The following NUP205 variants were observed in gnomAD, a reference collection of about 807,000 sequenced individuals.
The protein encoded by NUP205 is nuclear pore complex protein Nup205.
Under a neutral mutation model 253.8 loss-of-function variants are expected in NUP205, and 76 were observed. That is an observed-to-expected ratio of 0.30 (90% CI 0.25 to 0.36). NUP205 has a LOEUF of 0.36. NUP205 is among the 10% of genes least tolerant of loss of function. NUP205 has a pLI of 1.00. For missense variants in NUP205, 2,162 were observed against 2,425.5 expected (o/e 0.89, Z 2.28); for synonymous variants, 832 against 850.1 (o/e 0.98, Z 0.37).
intron 7 of NUP205, 129 bp downstream of exon 7, chr7:135,579,044 G>A (rs1806230897): frequency 1.6e-6 from 1 of 623,328 alleles, no homozygotes; most frequent in South Asian, 3.3e-5. Context: ...TGTATTAAAT[G>A]AAACCTTTAG....
chr7:135,573,507 A>G (rs925947915), intron 2 of NUP205, 147 bp from the exon 3 acceptor site: 11 of 518,930 alleles, frequency 2.1e-5, no homozygotes, highest in African/African-American at 2.0e-4. Flanking sequence ...TACTTCATAA[A>G]AGTCTGTTCT....
intron 34 of NUP205, among the ~76,000 whole-genome samples, chr7:135,629,039 A>G (rs889702293): frequency 6.6e-6 from 1 of 152,200 alleles, no homozygotes; most frequent in Admixed American, 6.5e-5. Flanking sequence ...CCAATCTTGT[A>G]TTGACTGAAG....
At chr7:135,607,482 T>C in intron 22 of NUP205, 111 bp downstream of exon 22, 2 of 1,186,442 alleles carry the variant, frequency 1.7e-6, no homozygotes, top group Non-Finnish European at 2.3e-6. Flanking sequence ...AATGAGTTCA[T>C]TTAGCAATTT....
intron 18 of NUP205, among the ~76,000 whole-genome samples, chr7:135,603,274 C>T (rs894992442): frequency 1.1e-4 from 17 of 152,026 alleles, no homozygotes; most frequent in African/African-American, 3.9e-4. Context: ...TGCCACCATG[C>T]TCAGCTATTT....
chr7:135,648,753 A>G lies in NUP205; in HGVS notation c.*197A>G. 1 of 373,222 alleles carries G rather than the reference A, an allele frequency of 2.7e-6. No homozygotes were observed. The highest frequency in any genetic ancestry group is 4.7e-6 in the Non-Finnish European group (1 of 212,078). 23.1% of individuals were successfully genotyped at this position (373,222 alleles called of 1,614,324 possible). A position where few individuals can be genotyped will look rare whatever the true frequency, so the allele number is the denominator to read the frequency against. ...AATAAATACTTTTTAAAAAAACAAA[A>G]CAAATGTATGGTTAATCTTTTGATC... On this transcript the variant is annotated 3_prime_UTR_variant, in exon 43 of 43. Coordinates refer to ENST00000285968, the MANE Select transcript of NUP205 (RefSeq NM_015135.3).
intron 3 of NUP205, 123 bp downstream of exon 3, chr7:135,573,948 A>G (rs1806076334): frequency 1.4e-6 from 1 of 738,200 alleles, no homozygotes; most frequent in South Asian, 2.1e-5. Context: ...TGGTAAAACC[A>G]TATTCAAAAT....
intron 22 of NUP205, among the ~76,000 whole-genome samples, chr7:135,609,196 G>T (rs958260447): frequency 3.3e-5 from 5 of 150,732 alleles, no homozygotes; most frequent in Admixed American, 2.6e-4. Context: ...TTTAGGATAA[G>T]AAATGGTGGG....
In NUP205 at chr7:135,591,339, G is replaced by A. The variant is rs932763200; in HGVS notation, c.1474-111G>A. 3 of 851,694 alleles carry A rather than the reference G, an allele frequency of 3.5e-6. No homozygotes were observed. In the African/African-American group the frequency reaches 5.2e-5, roughly 15 times the overall value. The allele number at this position is 851,694 out of a possible 1,614,324, so 52.8% of individuals were successfully genotyped here. On this transcript the variant is annotated intron_variant, in intron 10 of 42. Transcript: ENST00000285968. ...ATCAGTTAAATTTGTCTGTTGCGAG[G>A]GTTAAGTCAGAGCACTACTTTTAGT... is the stretch of plus-strand genomic sequence containing the variant.
rs140045221 is a variant in NUP205, at chr7:135,643,222, G to A, written c.5423G>A (p.Arg1808His). 6.2e-6 allele frequency: 10 copies of A among 1,613,866 alleles called. No homozygotes were observed. The highest frequency in any genetic ancestry group is 2.2e-5 in the South Asian group (2 of 91,072). ...CAAGCTCCAGTGGTTCCATACTGGCGCCTGCCTGGTTTAGGCATTATCATC... is the reference window on the plus strand; with the variant it reads ...CAAGCTCCAGTGGTTCCATACTGGCACCTGCCTGGTTTAGGCATTATCATC... ...DTQAPVVPYW[R>H]LPGLGIIIYL... is the part of the protein sequence containing the mutation. Residue 1808 changes from arginine to histidine, a missense_variant, in exon 39 of 43, where the codon CGC (arginine) becomes CAC (histidine). Physicochemically the swap from Arg to His is conservative, Grantham distance 29 (BLOSUM62 0). Transcript: ENST00000285968.
Position 135,591,589 on chromosome 7 carries a change from G to GT in NUP205, c.1614dup (p.Ser539Ter). On this transcript the variant is annotated frameshift_variant, in exon 11 of 43. Transcript: ENST00000285968. LOFTEE classifies it high-confidence loss of function. ...TGTTTCAGCCTGCTCAAAGTCAATG[G>GT]TAGTAGTCATGGTAAGGAATATGTG... The GT allele has an allele frequency of 6.2e-7, 1 of 1,611,648 alleles. No individual in the cohort carries two copies. Among genetic ancestry groups the GT allele is most frequent in the Non-Finnish European group, 8.5e-7 (1 of 1,179,534 alleles).
At chr7:135,595,930 CA>C (rs869074231) in intron 13 of NUP205, among the ~76,000 whole-genome samples, 2 of 150,436 alleles carry the variant, frequency 1.3e-5, no homozygotes, top group African/African-American at 5.0e-5. Flanking sequence ...TTCATAGAAG[CA>C]AAAAAAATTT....
In NUP205 at chr7:135,602,845, A is replaced by G. The variant is rs1243438231; in HGVS notation, c.2553A>G (p.Ala851=). 8 of 1,613,952 alleles carry G rather than the reference A, an allele frequency of 5.0e-6. No individual in the cohort carries two copies. Among genetic ancestry groups the G allele is most frequent in the Non-Finnish European group, 6.8e-6 (8 of 1,179,982 alleles). The part of the protein sequence containing the change: ...HLEKAVQHCL[A]LLNLTLQKEN... Reference sequence around the variant, plus strand: ...AGAAAGCAGTACAGCATTGCCTTGCACTTCTCAATCTTACTCTGCAAAAGG... The same window carrying G: ...AGAAAGCAGTACAGCATTGCCTTGCGCTTCTCAATCTTACTCTGCAAAAGG... Residue 851 remains alanine, a synonymous_variant, in exon 18 of 43, where the codon GCA becomes GCG. Coordinates refer to ENST00000285968, the MANE Select transcript of NUP205 (RefSeq NM_015135.3).
intron 34 of NUP205, among the ~76,000 whole-genome samples, chr7:135,629,487 CTCTCTCTCTCTCTCTCTCTCTCTG>C (rs1794661242): frequency 1.4e-5 from 2 of 143,058 alleles, no homozygotes; most frequent in African/African-American, 5.2e-5. Context: ...CTCTCTCTCT[CTCTCTCTCTCTCTCTCTCTCTCTG>C]TCTCTCTCTC....
chr7:135,607,419 C>T (rs200968290), intron 22 of NUP205, 48 bp downstream of exon 22: 1 of 1,597,328 alleles, frequency 6.3e-7, no homozygotes, highest in Admixed American at 1.7e-5. Flanking sequence ...GAAACTTGAC[C>T]AGGTGCATGA....
rs751041054 is a variant in NUP205, at chr7:135,591,489, T to C, written c.1513T>C (p.Leu505=). Residue 505 remains leucine, a synonymous_variant, in exon 11 of 43, where the codon TTG becomes CTG. Coordinates refer to ENST00000285968, the MANE Select transcript of NUP205 (RefSeq NM_015135.3). ...GTTTGTTAGGCAAATGGGTGACCTG[T>C]TGCCTCCAACTATTTATATTCCTTA... ...SKFVRQMGDL[L]PPTIYIPYLK... 1.2e-6 allele frequency: 2 copies of C among 1,614,046 alleles called. No individual in the cohort carries two copies. The highest frequency in any genetic ancestry group is 8.5e-7 in the Non-Finnish European group (1 of 1,179,912).
chr7:135,586,756 T>G (rs951255772), intron 8 of NUP205, among the ~76,000 whole-genome samples: 10 of 152,246 alleles, frequency 6.6e-5, no homozygotes, highest in Admixed American at 5.9e-4. Context: ...GTTTCTAGTT[T>G]AATTCCGTTG....
chr7:135,638,425 A>C lies in NUP205; in HGVS notation c.5266-132A>C, dbSNP rs575924055. The C allele has an allele frequency of 4.1e-5, 35 of 850,348 alleles. 1 individual carries two copies. The Middle Eastern group carries it at 1.0e-3, about 25-fold the overall frequency. 52.7% of individuals were successfully genotyped at this position (850,348 alleles called of 1,614,324 possible). ...GGGAGACTCCATCTGAAAAAAAAAA[A>C]AAAAAAAGAATACACAGATGTGAGT... is the stretch of plus-strand genomic sequence containing the variant. On this transcript the variant is annotated intron_variant, in intron 37 of 42. Transcript: ENST00000285968.
chr7:135,589,779 A>G (rs1200177908), intron 10 of NUP205, among the ~76,000 whole-genome samples: 1 of 151,128 alleles, frequency 6.6e-6, no homozygotes, highest in Non-Finnish European at 1.5e-5. Context: ...AAAATATTTT[A>G]AAAATTAGCC....
At position 135,648,627 on chromosome 7, in the gene NUP205, T is replaced by G. The variant is rs1795061404; in HGVS notation, c.*71T>G. 2 of 1,232,880 alleles carry G rather than the reference T, an allele frequency of 1.6e-6. No individual in the cohort carries two copies. Among genetic ancestry groups the G allele is most frequent in the Non-Finnish European group, 2.1e-6 (2 of 940,356 alleles). 76.4% of individuals were successfully genotyped at this position (1,232,880 alleles called of 1,614,324 possible). A position where few individuals can be genotyped will look rare whatever the true frequency, so the allele number is the denominator to read the frequency against. Reference sequence around the variant, plus strand: ...ATTGTCTCCATTTTATAGATTAGTTTCTTTCTAAATTATGACCAAAAATAT... The same window carrying G: ...ATTGTCTCCATTTTATAGATTAGTTGCTTTCTAAATTATGACCAAAAATAT... On this transcript the variant is annotated 3_prime_UTR_variant, in exon 43 of 43. Transcript: ENST00000285968.
Sources: gnomAD v4.1 joint callset for allele counts (sites outside exome capture counted in the v4.1 genomes callset) on GRCh38, gnomAD v4.1.1 for gene constraint, MANE v1.5 for transcripts, NCBI Gene and HGNC (gene_info 2026-07-23, HGNC 2026-07-21) for gene names.